The following MYBL2 variants were observed in gnomAD, a reference collection of about 807,000 sequenced individuals.
MYBL2 encodes the protein MYB proto-oncogene like 2.
In MYBL2, 28 loss-of-function variants were observed where a neutral mutation model predicts 79.9. The ratio of observed to expected loss-of-function variants is 0.35; its 90% CI spans 0.26 to 0.48. MYBL2 has a LOEUF of 0.48. Among genes scored for constraint, MYBL2 ranks in the 20% least tolerant of loss-of-function variants. The pLI, the probability that MYBL2 is intolerant of heterozygous loss-of-function variation, is 0.99. For synonymous variants in MYBL2, 378 were observed against 361.2 expected, an observed-to-expected ratio of 1.05 and a Z score of -0.53; for missense variants, 735 against 893.9, an observed-to-expected ratio of 0.82 and a Z score of 2.27.
chr20:43,706,160 A>G (rs1009305296), intron 9 of MYBL2, among the ~76,000 whole-genome samples: 8 of 152,170 alleles, frequency 5.3e-5, no homozygotes, highest in Non-Finnish European at 1.2e-4. Context: ...AGGAATGGAG[A>G]GTCCAAATTA....
chr20:43,696,677 G>T (rs1420283301), intron 6 of MYBL2, among the ~76,000 whole-genome samples: 1 of 152,292 alleles, frequency 6.6e-6, no homozygotes, highest in Non-Finnish European at 1.5e-5. Context: ...TTCCATCAAT[G>T]CTATAATGAT....
Position 43,686,872 on chromosome 20 carries a change from G to A in MYBL2, c.300G>A (p.Lys100=). 1 of 1,614,214 alleles carries A rather than the reference G, an allele frequency of 6.2e-7. No homozygotes were observed. The highest frequency in any genetic ancestry group is 8.5e-7 in the Non-Finnish European group (1 of 1,180,030). ...EDQKVIELVK[K]YGTKQWTLIA... ...CTAAGGTCATCGAGCTGGTTAAGAA[G>A]TATGGCACAAAGCAGTGGACACTGA... The change falls in exon 5 of 14, where the codon AAG becomes AAA. Residue 100 remains lysine (K), a synonymous_variant. Coordinates refer to ENST00000217026, the MANE Select transcript of MYBL2 (RefSeq NM_002466.4).
chr20:43,710,194 C>T (rs1447773121), intron 10 of MYBL2, 132 bp downstream of exon 10: 1 of 713,248 alleles, frequency 1.4e-6, no homozygotes. Flanking sequence ...ATGCAGAGAT[C>T]CTGATAATAT....
At chr20:43,670,956 A>AT (rs1986838884) in intron 1 of MYBL2, among the ~76,000 whole-genome samples, 4 of 36,928 alleles carry the variant, frequency 1.1e-4, no homozygotes, top group African/African-American at 4.3e-4. Flanking sequence ...GGATCCTATG[A>AT]TTTCTTTTTT....
chr20:43,670,841 C>A (rs1049736929), intron 1 of MYBL2, among the ~76,000 whole-genome samples: 3 of 152,186 alleles, frequency 2.0e-5, no homozygotes, highest in Admixed American at 1.3e-4. Flanking sequence ...TTACAAATGT[C>A]TGACCTAGCA....
chr20:43,713,212 G>T (rs933805917), intron 12 of MYBL2, 106 bp downstream of exon 12: 4 of 800,938 alleles, frequency 5.0e-6, no homozygotes, highest in Non-Finnish European at 6.1e-6. Context: ...GGCTCTGCAG[G>T]GAGGGGCTAT....
chr20:43,707,354 C>A (rs1055740345), intron 9 of MYBL2, among the ~76,000 whole-genome samples: 9 of 151,844 alleles, frequency 5.9e-5, no homozygotes, highest in Non-Finnish European at 1.2e-4. Context: ...GGCATTGATA[C>A]TTCTCTCTCT....
intron 12 of MYBL2, among the ~76,000 whole-genome samples, chr20:43,714,726 G>A (rs1185050028): frequency 6.6e-6 from 1 of 152,026 alleles, no homozygotes; most frequent in Non-Finnish European, 1.5e-5. Flanking sequence ...CTCCTCCCAG[G>A]TTCGCACCAT....
At chr20:43,678,119 G>C (rs1314381454) in intron 2 of MYBL2, among the ~76,000 whole-genome samples, 6 of 152,108 alleles carry the variant, frequency 3.9e-5, no homozygotes, top group Non-Finnish European at 8.8e-5. Context: ...CTCGTTAAGA[G>C]TCATCACCAC....
chr20:43,668,630 C>T (rs1039956835), intron 1 of MYBL2, among the ~76,000 whole-genome samples: 1 of 151,856 alleles, frequency 6.6e-6, no homozygotes, highest in African/African-American at 2.4e-5. Flanking sequence ...CCCACTTTCC[C>T]AGGCCAATGT....
At chr20:43,687,861 C>CA (rs986277956) in intron 5 of MYBL2, among the ~76,000 whole-genome samples, 2 of 151,714 alleles carry the variant, frequency 1.3e-5, no homozygotes, top group Non-Finnish European at 2.9e-5. Flanking sequence ...ACTAAAAATA[C>CA]AAAAAATTAG....
chr20:43,708,990 A>G (rs1490025802), intron 9 of MYBL2, among the ~76,000 whole-genome samples: 1 of 152,180 alleles, frequency 6.6e-6, no homozygotes, highest in Non-Finnish European at 1.5e-5. Flanking sequence ...ATCCCTGCCT[A>G]ATCTCTAGGT....
At chr20:43,694,830 C>G (rs906432911) in intron 6 of MYBL2, among the ~76,000 whole-genome samples, 1 of 152,172 alleles carries the variant, frequency 6.6e-6, no homozygotes, top group African/African-American at 2.4e-5. Flanking sequence ...CTCCGTTCCA[C>G]AAAGAGAAAC....
chr20:43,689,773 G>A (rs1027503068), intron 5 of MYBL2, among the ~76,000 whole-genome samples: 4 of 152,146 alleles, frequency 2.6e-5, no homozygotes, highest in Non-Finnish European at 4.4e-5. Flanking sequence ...TTTACCAGAT[G>A]GATCCCCAGT....
intron 2 of MYBL2, among the ~76,000 whole-genome samples, chr20:43,674,926 T>C (rs1432117283): frequency 6.6e-6 from 1 of 152,224 alleles, no homozygotes; most frequent in Non-Finnish European, 1.5e-5. Flanking sequence ...CTTTTTATTT[T>C]ATAATAAATG....
rs983384522 is a variant in MYBL2, at chr20:43,715,945, T to C, written c.1975-14T>C. 3.7e-6 allele frequency: 6 copies of C among 1,606,546 alleles called. No homozygotes were observed. Among genetic ancestry groups the C allele is most frequent in the Non-Finnish European group, 5.1e-6 (6 of 1,177,722 alleles). Reference sequence around the variant, plus strand: ...AGTCCCTGCCTGGATGGTAACCCTCTTGCCTCCTCCCAGATGTCCAGTGCC... The same window carrying C: ...AGTCCCTGCCTGGATGGTAACCCTCCTGCCTCCTCCCAGATGTCCAGTGCC... On this transcript the variant is annotated splice_polypyrimidine_tract_variant and intron_variant, in intron 13 of 13. Coordinates refer to ENST00000217026, the MANE Select transcript of MYBL2 (RefSeq NM_002466.4).
chr20:43,700,860 C>T (rs936550741), intron 7 of MYBL2, among the ~76,000 whole-genome samples: 3 of 152,172 alleles, frequency 2.0e-5, no homozygotes, highest in Admixed American at 2.0e-4. Context: ...GTCTTGACTG[C>T]CATGCTATGC....
intron 2 of MYBL2, among the ~76,000 whole-genome samples, chr20:43,680,048 C>T (rs1987107937): frequency 6.6e-6 from 1 of 151,810 alleles, no homozygotes; most frequent in Non-Finnish European, 1.5e-5. Flanking sequence ...TTTATTTTTT[C>T]AAGACAGAGT....
chr20:43,688,187 T>G (rs956206094), intron 5 of MYBL2, among the ~76,000 whole-genome samples: 1 of 151,770 alleles, frequency 6.6e-6, no homozygotes, highest in African/African-American at 2.4e-5. Context: ...TCTGGCACTC[T>G]TTTTTTATTT....
Sources: gnomAD v4.1 joint callset for allele counts (sites outside exome capture counted in the v4.1 genomes callset) on GRCh38, gnomAD v4.1.1 for gene constraint, MANE v1.5 for transcripts, NCBI Gene and HGNC (gene_info 2026-07-23, HGNC 2026-07-21) for gene names.